CACNA1C: variants seen among roughly 807,000 people sequenced by gnomAD.
CACNA1C encodes the protein voltage-dependent L-type calcium channel subunit alpha-1C.
Under a neutral mutation model 229.0 loss-of-function variants are expected in CACNA1C, and 30 were observed. The observed-to-expected ratio is 0.13, with a 90% CI of 0.10 to 0.18. The LOEUF (loss-of-function observed/expected upper bound fraction) is 0.18, where lower values mean the gene tolerates loss of function less well. Among genes scored for constraint, CACNA1C ranks in the 10% least tolerant of loss-of-function variants. The pLI is 1.00. For missense variants in CACNA1C, 1,658 were observed against 2,845.0 expected (o/e 0.58, Z 9.49); for synonymous variants, 1,114 against 1,132.5 (o/e 0.98, Z 0.33).
At chr12:2,103,789 G>A (rs377302758) in intron 1 of CACNA1C, among the ~76,000 whole-genome samples, 5 of 152,122 alleles carry the variant, frequency 3.3e-5, no homozygotes, top group East Asian at 1.9e-4. Context: ...TCAGCTTTCC[G>A]CATATGGCTA....
At chr12:2,120,697 T>TGTGTGTGTGTGTGTGTGTGTGTG (rs3085995) in intron 3 of CACNA1C, among the ~76,000 whole-genome samples, 1 of 151,020 alleles carries the variant, frequency 6.6e-6, no homozygotes, top group African/African-American at 2.4e-5. Flanking sequence ...TGTGTGTGTG[T>TGTGTGTGTGTGTGTGTGTGTGTG]TTAGTAGCAA....
At chr12:2,591,023 T>A (rs568820489) in intron 18 of CACNA1C, among the ~76,000 whole-genome samples, 56 of 152,302 alleles carry the variant, frequency 3.7e-4, no homozygotes, top group African/African-American at 1.3e-3. Flanking sequence ...CCAACTCTTG[T>A]CCTGTAGACA....
At chr12:1,999,546 C>T (rs1565880056) in intron 1 of CACNA1C, among the ~76,000 whole-genome samples, 2 of 152,106 alleles carry the variant, frequency 1.3e-5, no homozygotes, top group African/African-American at 4.8e-5. Flanking sequence ...CATAGTGAGA[C>T]CTTGCCTCTA....
chr12:2,184,922 A>C (rs976626674), intron 3 of CACNA1C, among the ~76,000 whole-genome samples: 1 of 152,194 alleles, frequency 6.6e-6, no homozygotes, highest in Non-Finnish European at 1.5e-5. Context: ...CTGGGTATTT[A>C]GTCATTTAGT....
At chr12:2,141,507 G>A (rs1020019325) in intron 3 of CACNA1C, among the ~76,000 whole-genome samples, 2 of 151,350 alleles carry the variant, frequency 1.3e-5, no homozygotes, top group East Asian at 1.9e-4. Context: ...GTGTTTTCCC[G>A]TCTCTTTTGT....
intron 12 of CACNA1C, 143 bp from the exon 13 acceptor site, chr12:2,567,426 T>A (rs1480437738): frequency 1.6e-6 from 1 of 608,968 alleles, no homozygotes; most frequent in Non-Finnish European, 2.9e-6. Flanking sequence ...TGGCCCCAAC[T>A]TCTGTTCTGG....
chr12:2,138,378 G>A (rs1278773919), intron 3 of CACNA1C, among the ~76,000 whole-genome samples: 2 of 151,234 alleles, frequency 1.3e-5, no homozygotes, highest in East Asian at 1.9e-4. Flanking sequence ...GGTTGTGTGG[G>A]GGAAGGCAGG....
chr12:2,128,577 A>AT (rs1165105944), intron 3 of CACNA1C, among the ~76,000 whole-genome samples: 4 of 151,924 alleles, frequency 2.6e-5, no homozygotes, highest in Admixed American at 1.3e-4. Flanking sequence ...TGCCCAGCTA[A>AT]TTTTTTTGTA....
intron 3 of CACNA1C, among the ~76,000 whole-genome samples, chr12:2,206,252 G>T (rs1054461196): frequency 7.2e-5 from 11 of 152,164 alleles, no homozygotes; most frequent in African/African-American, 1.2e-4. Flanking sequence ...AGGGAAGAAG[G>T]CCAGTTGATG....
At chr12:2,513,090 G>A in intron 9 of CACNA1C, 106 bp downstream of exon 9, 1 of 853,944 alleles carries the variant, frequency 1.2e-6, no homozygotes. Context: ...GAAGCCCACG[G>A]GGTGCCTTCC....
At chr12:2,271,163 G>A (rs1015186079) in intron 3 of CACNA1C, among the ~76,000 whole-genome samples, 8 of 152,188 alleles carry the variant, frequency 5.3e-5, no homozygotes, top group Admixed American at 5.2e-4. Flanking sequence ...GGAAGGGCCT[G>A]TGAGGGGTGG....
In CACNA1C at chr12:2,697,376, G is replaced by C. The variant is rs1441157118; in HGVS notation, c.*6177G>C. ...AAACACGCACATTCATTAAGAAATA[G>C]GGCGACAGATTCCCCGTTGGTGAAG... On this transcript the variant is annotated 3_prime_UTR_variant, in exon 47 of 47. Transcript: ENST00000399655. The C allele has an allele frequency of 6.6e-6, 1 of 152,202 alleles. No homozygotes were observed. The highest frequency in any genetic ancestry group is 1.9e-4 in the East Asian group (1 of 5,200). 9.4% of individuals were successfully genotyped at this position (152,202 alleles called of 1,614,324 possible).
chr12:2,631,264 C>T (rs755042472), intron 29 of CACNA1C, among the ~76,000 whole-genome samples: 4 of 152,146 alleles, frequency 2.6e-5, no homozygotes, highest in African/African-American at 4.8e-5. Context: ...ACACTCACAC[C>T]TTCCTCTCTC....
intron 43 of CACNA1C, 85 bp from the exon 44 acceptor site, chr12:2,685,651 A>C: frequency 2.0e-6 from 2 of 978,030 alleles, no homozygotes; most frequent in Non-Finnish European, 3.3e-6. Context: ...GGATCAGAGC[A>C]AAGTGCTTTC....
intron 13 of CACNA1C, among the ~76,000 whole-genome samples, chr12:2,580,141 C>T (rs2059976864): frequency 1.3e-5 from 2 of 152,232 alleles, no homozygotes; most frequent in South Asian, 2.1e-4. Flanking sequence ...AAATTTAGAG[C>T]CTATTTTGGT....
chr12:2,092,732 A>G lies in CACNA1C; in HGVS notation c.50-22492A>G, dbSNP rs374207872. Among the ~76,000 whole-genome samples the G allele has an allele frequency of 6.6e-5, 10 of 152,328 alleles. No individual in the cohort carries two copies. The East Asian group carries it at 9.6e-4, about 15-fold the overall frequency. Reference sequence around the variant, plus strand: ...GCATGCATTAGTATTAATGCACCCTATTTAATCCTTATTATATTATCCCTG... The same window carrying G: ...GCATGCATTAGTATTAATGCACCCTGTTTAATCCTTATTATATTATCCCTG... On this transcript the variant is annotated intron_variant, in intron 1 of 46. Transcript: ENST00000399655.
intron 2 of CACNA1C, among the ~76,000 whole-genome samples, chr12:2,116,574 AG>A (rs895237408): frequency 2.6e-5 from 4 of 152,178 alleles, no homozygotes; most frequent in Non-Finnish European, 5.9e-5. Context: ...TCACCGTGTT[AG>A]CCAGGATGGT....
chr12:2,645,334 G>A (rs1198048211), intron 30 of CACNA1C, among the ~76,000 whole-genome samples: 2 of 152,154 alleles, frequency 1.3e-5, no homozygotes, highest in African/African-American at 4.8e-5. Context: ...TCAGGGCACC[G>A]GCAGCAAATC....
chr12:2,056,664 C>T (rs2055049459), intron 1 of CACNA1C, among the ~76,000 whole-genome samples: 3 of 152,096 alleles, frequency 2.0e-5, no homozygotes, highest in African/African-American at 4.8e-5. Flanking sequence ...CAACATTGCT[C>T]GCACATCAGC....
Sources: allele counts gnomAD v4.1 joint callset (sites outside exome capture counted in the v4.1 genomes callset), GRCh38; gene constraint gnomAD v4.1.1; transcripts MANE v1.5; gene names NCBI Gene and HGNC (gene_info 2026-07-23, HGNC 2026-07-21).